The following DPP10 variants were observed in gnomAD, a reference collection of about 807,000 sequenced individuals.
The protein encoded by DPP10 is inactive dipeptidyl peptidase 10.
Under a neutral mutation model 120.9 loss-of-function variants are expected in DPP10, and 33 were observed. The observed-to-expected ratio is 0.27, with a 90% CI of 0.21 to 0.37. The LOEUF (loss-of-function observed/expected upper bound fraction) is 0.37, where lower values mean the gene tolerates loss of function less well. DPP10 is among the 10% of genes least tolerant of loss of function. The pLI is 1.00. For synonymous variants in DPP10, 337 were observed against 326.1 expected (o/e 1.03, Z -0.36); for missense variants, 816 against 942.8 (o/e 0.87, Z 1.76).
In DPP10 at chr2:115,761,748, T is replaced by G. The variant is rs1344410652; in HGVS notation, c.1075-824T>G. Among the ~76,000 whole-genome samples the G allele has an allele frequency of 3.9e-5, 6 of 152,166 alleles. No homozygotes were observed. In the East Asian group the frequency reaches 1.2e-3, roughly 29 times the overall value. ...GACCAATTATAATGTAATCATAATA[T>G]GGATTTAGAAAAAGAAATTAGTATT... On this transcript the variant is annotated intron_variant, in intron 11 of 25. Coordinates refer to ENST00000410059, the MANE Select transcript of DPP10 (RefSeq NM_020868.6).
At chr2:115,400,909 C>T (rs1378463329) in intron 3 of DPP10, among the ~76,000 whole-genome samples, 1 of 152,162 alleles carries the variant, frequency 6.6e-6, no homozygotes, top group Non-Finnish European at 1.5e-5. Context: ...GGAACTTCCT[C>T]AGTTTGGAGT....
chr2:114,699,613 A>G (rs1452744901), intron 1 of DPP10, among the ~76,000 whole-genome samples: 1 of 152,144 alleles, frequency 6.6e-6, no homozygotes, highest in African/African-American at 2.4e-5. Flanking sequence ...TGTAAACCCT[A>G]GAGCTGTGTT....
chr2:115,704,647 A>G (rs967917501), intron 7 of DPP10, among the ~76,000 whole-genome samples: 4 of 151,990 alleles, frequency 2.6e-5, no homozygotes, highest in South Asian at 2.1e-4. Context: ...ATAATATGGG[A>G]AAAAGTCATG....
At chr2:115,593,895 A>G (rs1019803348) in intron 5 of DPP10, among the ~76,000 whole-genome samples, 1 of 152,162 alleles carries the variant, frequency 6.6e-6, no homozygotes, top group Non-Finnish European at 1.5e-5. Context: ...CTTTTTTCAT[A>G]AGGAATCTCA....
At chr2:114,659,902 C>T (rs72826504) in intron 1 of DPP10, among the ~76,000 whole-genome samples, 1 of 152,170 alleles carries the variant, frequency 6.6e-6, no homozygotes, top group African/African-American at 2.4e-5. Context: ...CACGTAATAT[C>T]AAGTGTTGCC....
At chr2:114,625,166 C>G (rs1282644925) in intron 1 of DPP10, among the ~76,000 whole-genome samples, 1 of 151,908 alleles carries the variant, frequency 6.6e-6, no homozygotes, top group East Asian at 1.9e-4. Context: ...ATCTTTTCAT[C>G]TCTTGTTTCT....
intron 1 of DPP10, among the ~76,000 whole-genome samples, chr2:114,803,770 A>C (rs1199968528): frequency 6.6e-6 from 1 of 152,178 alleles, no homozygotes; most frequent in Non-Finnish European, 1.5e-5. Context: ...TCAGTTTATA[A>C]GGGAAGCACA....
At chr2:115,315,517 G>C (rs994823963) in intron 2 of DPP10, among the ~76,000 whole-genome samples, 1 of 152,062 alleles carries the variant, frequency 6.6e-6, no homozygotes, top group African/African-American at 2.4e-5. Flanking sequence ...AATTTATTAG[G>C]TGTCATTTAA....
intron 1 of DPP10, among the ~76,000 whole-genome samples, chr2:114,602,432 TA>T (rs1468944875): frequency 7.2e-5 from 11 of 152,012 alleles, no homozygotes; most frequent in African/African-American, 2.7e-4. Flanking sequence ...TAAATTGCTT[TA>T]AATATTTGGA....
At chr2:114,782,030 G>A (rs1308316848) in intron 1 of DPP10, among the ~76,000 whole-genome samples, 1 of 151,754 alleles carries the variant, frequency 6.6e-6, no homozygotes, top group Non-Finnish European at 1.5e-5. Context: ...AGCCTTAATT[G>A]GCCAACCCTG....
At chr2:115,835,009 C>CT (rs1689311944) in intron 21 of DPP10, among the ~76,000 whole-genome samples, 1 of 150,080 alleles carries the variant, frequency 6.7e-6, no homozygotes. Context: ...TGGCGTGAAC[C>CT]CGGGGGGCGG....
intron 1 of DPP10, among the ~76,000 whole-genome samples, chr2:114,717,969 C>T (rs1280052346): frequency 2.0e-5 from 3 of 151,858 alleles, no homozygotes; most frequent in East Asian, 1.9e-4. Context: ...TTGATATTTG[C>T]TTAGTTGTAT....
Position 114,702,001 on chromosome 2 carries a change from G to A in DPP10, c.60+259163G>A, listed in dbSNP as rs73949006. ...TATTGATATAGCCACTAGAGGAAGG[G>A]GGATTTGGGCTCCAAATTTACTCAC... On this transcript the variant is annotated intron_variant, in intron 1 of 25. Coordinates refer to ENST00000410059, the MANE Select transcript of DPP10 (RefSeq NM_020868.6). Among the ~76,000 whole-genome samples the A allele has an allele frequency of 9.4e-3, 1,436 of 152,194 alleles. 34 individuals carry two copies. The highest frequency in any genetic ancestry group is 0.033 in the African/African-American group (1,371 of 41,530).
At chr2:114,635,183 A>G (rs1305861784) in intron 1 of DPP10, among the ~76,000 whole-genome samples, 1 of 151,622 alleles carries the variant, frequency 6.6e-6, no homozygotes, top group African/African-American at 2.4e-5. Flanking sequence ...TGTTTTAAAG[A>G]ATTTTTATTC....
At chr2:114,846,683 C>T (rs1688572900) in intron 1 of DPP10, among the ~76,000 whole-genome samples, 1 of 152,072 alleles carries the variant, frequency 6.6e-6, no homozygotes, top group Non-Finnish European at 1.5e-5. Flanking sequence ...GCTGACCCTT[C>T]ATGAATGCTG....
At chr2:115,348,456 T>A (rs2063820366) in intron 3 of DPP10, among the ~76,000 whole-genome samples, 1 of 152,164 alleles carries the variant, frequency 6.6e-6, no homozygotes, top group African/African-American at 2.4e-5. Context: ...TTTTCTCGAT[T>A]TTTTTCAATA....
intron 3 of DPP10, among the ~76,000 whole-genome samples, chr2:115,384,733 AGAG>A (rs1346935851): frequency 1.3e-5 from 2 of 150,878 alleles, no homozygotes; most frequent in African/African-American, 4.9e-5. Flanking sequence ...AAGAAGAAGA[AGAG>A]AAGAAGGAAG....
At chr2:115,654,248 G>T (rs952611738) in intron 5 of DPP10, among the ~76,000 whole-genome samples, 2 of 151,678 alleles carry the variant, frequency 1.3e-5, no homozygotes, top group African/African-American at 4.8e-5. Flanking sequence ...AAGTATACAC[G>T]AGTGAAGGCA....
chr2:115,109,704 A>G lies in DPP10; in HGVS notation c.61-199535A>G, dbSNP rs529883865. The stretch of plus-strand genomic sequence containing the variant: ...CATTCCTGGAATACAGTGGCTCTCA[A>G]TTGGAGGTGATTCCTTCACGCTGAA... On this transcript the variant is annotated intron_variant, in intron 1 of 25. Coordinates refer to ENST00000410059, the MANE Select transcript of DPP10 (RefSeq NM_020868.6). Among the ~76,000 whole-genome samples, 9 of 152,296 alleles carry G rather than the reference A, an allele frequency of 5.9e-5. No homozygotes were observed. The South Asian group carries it at 1.9e-3, about 32-fold the overall frequency.
Sources: allele counts gnomAD v4.1 joint callset (sites outside exome capture counted in the v4.1 genomes callset), GRCh38; gene constraint gnomAD v4.1.1; transcripts MANE v1.5; gene names NCBI Gene and HGNC (gene_info 2026-07-23, HGNC 2026-07-21).